TBC1D4: variants seen among roughly 807,000 people sequenced by gnomAD.
TBC1D4 encodes TBC (Tre-2, BUB2, CDC16) domain-containing protein.
TBC1D4 carries 121 observed loss-of-function variants against 142.5 expected under a neutral mutation model. That is an observed-to-expected ratio of 0.85 (90% CI 0.73 to 0.99). The LOEUF is 0.99. Ranked by LOEUF, TBC1D4 falls within the 50% of genes least tolerant of loss-of-function variation. The pLI is 0.00. For missense variants in TBC1D4, 1,475 were observed against 1,606.6 expected (o/e 0.92, Z 1.40); for synonymous variants, 630 against 628.2 (o/e 1.00, Z -0.04).
chr13:75,458,558 G>A (rs1036773811), intron 1 of TBC1D4, among the ~76,000 whole-genome samples: 15 of 152,096 alleles, frequency 9.9e-5, no homozygotes, highest in African/African-American at 2.9e-4. Context: ...ATGGGGAACC[G>A]CCCTCTTTTA....
chr13:75,292,381 A>G, intron 18 of TBC1D4, 110 bp from the exon 19 acceptor site: 1 of 904,844 alleles, frequency 1.1e-6, no homozygotes, highest in Non-Finnish European at 1.7e-6. Context: ...ATTTTGCAGA[A>G]GAAAACTGGT....
chr13:75,336,720 G>A (rs1880244342), intron 8 of TBC1D4, among the ~76,000 whole-genome samples: 1 of 151,966 alleles, frequency 6.6e-6, no homozygotes, highest in Non-Finnish European at 1.5e-5. Context: ...CAATCTGGGT[G>A]ACAAGAGTGA....
At chr13:75,442,343 A>G (rs1327782363) in intron 1 of TBC1D4, among the ~76,000 whole-genome samples, 3 of 152,234 alleles carry the variant, frequency 2.0e-5, no homozygotes, top group African/African-American at 7.2e-5. Flanking sequence ...CCAGTTCTCA[A>G]TAAACATTAG....
chr13:75,387,991 T>G (rs1884275162), intron 1 of TBC1D4, among the ~76,000 whole-genome samples: 1 of 152,232 alleles, frequency 6.6e-6, no homozygotes, highest in Non-Finnish European at 1.5e-5. Flanking sequence ...AATTCATTTC[T>G]TTATGGTCTT....
chr13:75,377,502 T>A (rs1245172451), intron 1 of TBC1D4, among the ~76,000 whole-genome samples: 5 of 152,184 alleles, frequency 3.3e-5, no homozygotes, highest in East Asian at 1.9e-4. Flanking sequence ...AGGGCCCACA[T>A]GCAACAATTA....
intron 17 of TBC1D4, among the ~76,000 whole-genome samples, chr13:75,297,093 C>G (rs9543895): frequency 2.0e-5 from 3 of 152,176 alleles, no homozygotes; most frequent in Admixed American, 6.5e-5. Flanking sequence ...AGGACCTACT[C>G]TCCCAGAATA....
chr13:75,481,678 C>T lies in TBC1D4; in HGVS notation c.90G>A (p.Lys30=). The stretch of plus-strand genomic sequence containing the variant: ...ACAGCCGGAACCGCTTATCGCTTGG[C>T]TTCCCGGGGCCGGGCTGAGCTGAGA... ...PGVSAQPGPG[K]PSDKRFRLWY... is the part of the protein sequence containing the mutation. Residue 30 remains lysine (K), a synonymous_variant, in exon 1 of 21, where the codon AAG becomes AAA. Transcript: ENST00000377636. 1 of 1,601,054 alleles carries T rather than the reference C, an allele frequency of 6.2e-7. No homozygotes were observed. Among genetic ancestry groups the T allele is most frequent in the Non-Finnish European group, 8.5e-7 (1 of 1,174,574 alleles).
intron 8 of TBC1D4, among the ~76,000 whole-genome samples, chr13:75,336,380 A>C (rs1464889749): frequency 6.6e-6 from 1 of 151,078 alleles, no homozygotes; most frequent in East Asian, 1.9e-4. Context: ...ATGGTGACAG[A>C]GCAAGACTTC....
At position 75,412,621 on chromosome 13, in the gene TBC1D4, G is replaced by A. The variant is rs990420854; in HGVS notation, c.499-50014C>T. On this transcript the variant is annotated intron_variant, in intron 1 of 20. Transcript: ENST00000377636. ...TGCCCAGCTAAAATACCTTTTTACC[G>A]TCACCTCTAAATAAAGTCAAAGGGC... Among the ~76,000 whole-genome samples, 11 of 152,028 alleles carry A rather than the reference G, an allele frequency of 7.2e-5. No homozygotes were observed. In the South Asian group the frequency reaches 8.3e-4, roughly 12 times the overall value.
chr13:75,348,954 A>AGTGTGTGTGTGTGTGT (rs55954112), intron 5 of TBC1D4, among the ~76,000 whole-genome samples: 1 of 139,084 alleles, frequency 7.2e-6, no homozygotes, highest in Non-Finnish European at 1.5e-5. Context: ...AGAGAGAGAG[A>AGTGTGTGTGTGTGTGT]GTGTGTGTGT....
rs116017298 is a variant in TBC1D4 at position 75,302,577 on chromosome 13, T to C, written c.2753-176A>G. The C allele has an allele frequency of 2.3e-3, 1,572 of 693,970 alleles. 15 individuals carry two copies. The African/African-American group carries it at 0.023, about 10-fold the overall frequency. 43.0% of individuals were successfully genotyped at this position (693,970 alleles called of 1,614,324 possible). On this transcript the variant is annotated intron_variant, in intron 15 of 20. Transcript: ENST00000377636. Reference sequence around the variant, plus strand: ...TTTGACAAGCTGAATCCTATAGCTCTTGATGCCTTGCAAAAGAAAACCCTC... The same window carrying C: ...TTTGACAAGCTGAATCCTATAGCTCCTGATGCCTTGCAAAAGAAAACCCTC...
intron 20 of TBC1D4, among the ~76,000 whole-genome samples, chr13:75,288,493 C>T (rs752872334): frequency 1.2e-4 from 18 of 152,082 alleles, no homozygotes; most frequent in Admixed American, 6.6e-5. Flanking sequence ...TAAATTGACA[C>T]TAGGCTAACT....
At chr13:75,323,339 G>T (rs1878942498) in intron 11 of TBC1D4, among the ~76,000 whole-genome samples, 1 of 152,042 alleles carries the variant, frequency 6.6e-6, no homozygotes, top group African/African-American at 2.4e-5. Context: ...AAGTGAATAA[G>T]TCAAGCTATA....
chr13:75,353,671 G>C (rs1228498722), intron 4 of TBC1D4, among the ~76,000 whole-genome samples: 2 of 152,088 alleles, frequency 1.3e-5, no homozygotes, highest in Non-Finnish European at 2.9e-5. Context: ...ATGTAAGCTG[G>C]GTCCTGAAAA....
chr13:75,326,976 G>C (rs763077022), intron 9 of TBC1D4, among the ~76,000 whole-genome samples: 1 of 152,108 alleles, frequency 6.6e-6, no homozygotes, highest in Non-Finnish European at 1.5e-5. Context: ...CCTCACCGTG[G>C]ATGTTTCTAT....
intron 8 of TBC1D4, among the ~76,000 whole-genome samples, chr13:75,331,744 T>C (rs1234758256): frequency 6.6e-6 from 1 of 150,818 alleles, no homozygotes; most frequent in Non-Finnish European, 1.5e-5. Context: ...CATAAACAAC[T>C]ATAGTTAGCT....
At chr13:75,305,066 C>T (rs1877030832) in intron 15 of TBC1D4, among the ~76,000 whole-genome samples, 1 of 152,074 alleles carries the variant, frequency 6.6e-6, no homozygotes, top group African/African-American at 2.4e-5. Flanking sequence ...GGCAGTTTCC[C>T]CCATACTGTT....
At chr13:75,335,830 G>A (rs1880148189) in intron 8 of TBC1D4, among the ~76,000 whole-genome samples, 2 of 152,164 alleles carry the variant, frequency 1.3e-5, no homozygotes, top group African/African-American at 2.4e-5. Flanking sequence ...ATAACCTGCA[G>A]AACCGTGAGT....
At chr13:75,354,176 T>C (rs1038567282) in intron 4 of TBC1D4, among the ~76,000 whole-genome samples, 2 of 152,204 alleles carry the variant, frequency 1.3e-5, no homozygotes. Flanking sequence ...CCGGTCTAAG[T>C]GCAGAATAAC....
Sources: allele counts gnomAD v4.1 joint callset (sites outside exome capture counted in the v4.1 genomes callset), GRCh38; gene constraint gnomAD v4.1.1; transcripts MANE v1.5; gene names NCBI Gene and HGNC (gene_info 2026-07-23, HGNC 2026-07-21).